The following KATNIP variants were observed in gnomAD, a reference collection of about 807,000 sequenced individuals.
KATNIP encodes the protein katanin interacting protein, also known as katanin-interacting protein.
In KATNIP, 126 loss-of-function variants were observed where a neutral mutation model predicts 174.0. The ratio of observed to expected loss-of-function variants is 0.72; its 90% CI spans 0.63 to 0.84. KATNIP has a LOEUF of 0.84. Among genes scored for constraint, KATNIP ranks in the 40% least tolerant of loss-of-function variants. The pLI, the probability that KATNIP is intolerant of heterozygous loss-of-function variation, is 0.00. For missense variants in KATNIP, 1,958 were observed against 2,109.7 expected (o/e 0.93, Z 1.41); for synonymous variants, 810 against 835.7 (o/e 0.97, Z 0.53).
chr16:27,656,912 A>G (rs2077311747), intron 6 of KATNIP, among the ~76,000 whole-genome samples: 2 of 151,266 alleles, frequency 1.3e-5, no homozygotes, highest in Admixed American at 6.6e-5. Flanking sequence ...CAATGTGCAC[A>G]TGTACCCTAA....
intron 13 of KATNIP, among the ~76,000 whole-genome samples, chr16:27,711,587 C>T (rs2050267251): frequency 6.6e-6 from 1 of 152,156 alleles, no homozygotes; most frequent in African/African-American, 2.4e-5. Context: ...GCTGATGGAC[C>T]AGACTGAATA....
intron 13 of KATNIP, chr16:27,718,351 G>A (rs540905088): frequency 6.6e-5 from 10 of 152,324 alleles, no homozygotes; most frequent in African/African-American, 2.4e-4. Flanking sequence ...GTTGGGGAGG[G>A]AGGAGCTGCA....
At chr16:27,705,057 C>T (rs535129210) in intron 12 of KATNIP, among the ~76,000 whole-genome samples, 10 of 151,986 alleles carry the variant, frequency 6.6e-5, no homozygotes, top group Non-Finnish European at 1.5e-4. Context: ...ATTACAGGCA[C>T]GCATCACCAT....
intron 1 of KATNIP, among the ~76,000 whole-genome samples, chr16:27,563,891 TAAAAAAA>T (rs58505514): frequency 3.0e-5 from 2 of 66,680 alleles, no homozygotes; most frequent in African/African-American, 6.4e-5. Context: ...TCTAGTAAAT[TAAAAAAA>T]AAAAAAAAAA....
At chr16:27,629,989 G>A (rs973435827) in intron 4 of KATNIP, among the ~76,000 whole-genome samples, 1 of 152,014 alleles carries the variant, frequency 6.6e-6, no homozygotes, top group Non-Finnish European at 1.5e-5. Flanking sequence ...CTCCAGCCTG[G>A]GTGACAGAGC....
chr16:27,596,360 A>G (rs1034695126), intron 2 of KATNIP, among the ~76,000 whole-genome samples: 1 of 152,086 alleles, frequency 6.6e-6, no homozygotes, highest in South Asian at 2.1e-4. Flanking sequence ...AGCTGTGAGA[A>G]TGATGGCTGC....
intron 5 of KATNIP, among the ~76,000 whole-genome samples, chr16:27,636,589 C>G (rs997451400): frequency 4.6e-5 from 7 of 151,398 alleles, no homozygotes; most frequent in Non-Finnish European, 1.5e-5. Context: ...GCTGTGTGCC[C>G]TGGAGCTCTC....
At chr16:27,571,524 G>T (rs1452644788) in intron 1 of KATNIP, among the ~76,000 whole-genome samples, 1 of 152,080 alleles carries the variant, frequency 6.6e-6, no homozygotes, top group African/African-American at 2.4e-5. Context: ...TGTCCCTCAG[G>T]ACCAGATCCC....
intron 5 of KATNIP, among the ~76,000 whole-genome samples, chr16:27,643,872 A>T (rs1327054698): frequency 2.6e-5 from 4 of 152,042 alleles, no homozygotes; most frequent in Non-Finnish European, 5.9e-5. Context: ...CAGGGCTTCA[A>T]GGGAAATGCA....
At chr16:27,770,960 G>T (rs371235106) in intron 21 of KATNIP, among the ~76,000 whole-genome samples, 17 of 152,280 alleles carry the variant, frequency 1.1e-4, no homozygotes, top group African/African-American at 2.6e-4. Context: ...AACACCAGCA[G>T]CCCAGTGACT....
In KATNIP at chr16:27,715,327, C is replaced by G. The variant is rs146773060; in HGVS notation, c.1606-6231C>G. On this transcript the variant is annotated intron_variant, in intron 13 of 27. Transcript: ENST00000261588. ...ACCTAAATGTAAGAGCTAAAACTTT[C>G]AAACTCTTAGAAGAAGACAAAGGTG... Among the ~76,000 whole-genome samples the G allele has an allele frequency of 2.1e-3, 326 of 152,300 alleles. 3 individuals are homozygous for G. Among genetic ancestry groups the G allele is most frequent in the African/African-American group, 7.5e-3 (313 of 41,576 alleles).
intron 8 of KATNIP, among the ~76,000 whole-genome samples, chr16:27,697,248 C>T (rs2078945083): frequency 6.6e-6 from 1 of 152,130 alleles, no homozygotes; most frequent in African/African-American, 2.4e-5. Flanking sequence ...TCCACAATGG[C>T]TGAACTAATT....
rs1392237170 is a variant in KATNIP at position 27,708,474 on chromosome 16, C to T, written c.1390-231C>T. On this transcript the variant is annotated intron_variant, in intron 12 of 27. Coordinates refer to ENST00000261588, the MANE Select transcript of KATNIP (RefSeq NM_015202.5). ...TTTGTAAACTTTCAAACAGAATGCT[C>T]ACAGAGTGCCAGTTACACAGGGCCT... 6.3e-6 allele frequency: 3 copies of T among 476,586 alleles called. No homozygotes were observed. In the East Asian group the frequency reaches 9.7e-5, roughly 15 times the overall value. 29.5% of individuals were successfully genotyped at this position (476,586 alleles called of 1,614,324 possible).
intron 7 of KATNIP, among the ~76,000 whole-genome samples, chr16:27,678,726 G>A (rs2078216952): frequency 2.0e-5 from 3 of 152,196 alleles, no homozygotes. Flanking sequence ...ACTAAGGGGT[G>A]TGGTTATCAC....
chr16:27,714,541 A>G (rs1451299450), intron 13 of KATNIP, among the ~76,000 whole-genome samples: 1 of 152,222 alleles, frequency 6.6e-6, no homozygotes, highest in Admixed American at 6.5e-5. Flanking sequence ...GTTCTTTGAG[A>G]GGATTAACAC....
chr16:27,638,641 A>T (rs2076705642), intron 5 of KATNIP, among the ~76,000 whole-genome samples: 4 of 152,026 alleles, frequency 2.6e-5, no homozygotes, highest in Admixed American at 2.6e-4. Flanking sequence ...TTGTAGGGCC[A>T]TGCCAACCAG....
chr16:27,746,830 A>C (rs2081313954), intron 15 of KATNIP, among the ~76,000 whole-genome samples: 1 of 152,170 alleles, frequency 6.6e-6, no homozygotes, highest in Non-Finnish European at 1.5e-5. Context: ...GACAGGAGTC[A>C]GTGGCGGCCG....
intron 13 of KATNIP, among the ~76,000 whole-genome samples, chr16:27,713,641 T>TATA (rs1160276074): frequency 2.8e-3 from 26 of 9,312 alleles, no homozygotes; most frequent in African/African-American, 0.01. Flanking sequence ...GTATTTATAT[T>TATA]TATGTGTGTG....
At chr16:27,701,524 CCTG>C (rs926090080) in intron 10 of KATNIP, 62 bp from the exon 11 acceptor site, 22 of 1,276,696 alleles carry the variant, frequency 1.7e-5, no homozygotes, top group Non-Finnish European at 2.0e-5. Flanking sequence ...TGACCGTGAC[CCTG>C]CTGTGTCTTA....
Sources: gnomAD v4.1 joint callset for allele counts (sites outside exome capture counted in the v4.1 genomes callset) on GRCh38, gnomAD v4.1.1 for gene constraint, MANE v1.5 for transcripts, NCBI Gene and HGNC (gene_info 2026-07-23, HGNC 2026-07-21) for gene names.